LARGE1: variants seen among roughly 807,000 people sequenced by gnomAD.
LARGE1 encodes the protein LARGE xylosyl- and glucuronyltransferase 1.
LARGE1 carries 43 observed loss-of-function variants against 87.6 expected under a neutral mutation model. That is an observed-to-expected ratio of 0.49 (90% CI 0.38 to 0.63). The LOEUF (loss-of-function observed/expected upper bound fraction) is 0.63. Among genes scored for constraint, LARGE1 ranks in the 30% least tolerant of loss-of-function variants. LARGE1 has a pLI of 0.00. For missense variants in LARGE1, 802 were observed against 1,000.2 expected (o/e 0.80, Z 2.67); for synonymous variants, 434 against 394.6 (o/e 1.10, Z -1.18).
chr22:33,678,853 T>C lies in LARGE1; in HGVS notation c.107-28185A>G, dbSNP rs140080216. 1.8e-3 allele frequency among the ~76,000 whole-genome samples: 281 copies of C among 152,290 alleles called. 2 individuals are homozygous for C. Among genetic ancestry groups the C allele is most frequent in the African/African-American group, 6.3e-3 (262 of 41,564 alleles). ...ACACTGTGCTGGGAACCGAAGTACA[T>C]TGCCCATCCACTTTCCCTGATGCGC... On this transcript the variant is annotated intron_variant, in intron 2 of 14. Coordinates refer to ENST00000397394, the MANE Select transcript of LARGE1 (RefSeq NM_133642.5).
intron 12 of LARGE1, among the ~76,000 whole-genome samples, chr22:33,290,193 C>G (rs960431036): frequency 3.9e-5 from 6 of 152,280 alleles, no homozygotes; most frequent in Middle Eastern, 3.4e-3. Context: ...CTCTTTTTAA[C>G]TCCATCCTTT....
the LARGE1 span, among the ~76,000 whole-genome samples, chr22:33,138,951 G>A: frequency 6.6e-6 from 1 of 152,128 alleles, no homozygotes; most frequent in East Asian, 1.9e-4. Flanking sequence ...ATTGAATCAT[G>A]AAGGCAGGTC....
chr22:33,512,798 C>A (rs2148451683), intron 6 of LARGE1, among the ~76,000 whole-genome samples: 1 of 152,270 alleles, frequency 6.6e-6, no homozygotes, highest in East Asian at 1.9e-4. Flanking sequence ...AGTGAAACTC[C>A]ATCTCAAAAA....
chr22:33,682,856 C>G (rs990488562), intron 2 of LARGE1, among the ~76,000 whole-genome samples: 3 of 152,194 alleles, frequency 2.0e-5, no homozygotes, highest in African/African-American at 7.2e-5. Flanking sequence ...TTTACTGAGG[C>G]TCAGGCCCAA....
chr22:33,763,902 T>G (rs1396864890), intron 1 of LARGE1, among the ~76,000 whole-genome samples: 3 of 130,480 alleles, frequency 2.3e-5, no homozygotes, highest in Non-Finnish European at 3.1e-5. Context: ...CAGGCTAGAG[T>G]ATAGTGGTGT....
intron 2 of LARGE1, among the ~76,000 whole-genome samples, chr22:33,745,267 G>A (rs1400652828): frequency 6.6e-6 from 1 of 152,166 alleles, no homozygotes; most frequent in African/African-American, 2.4e-5. Context: ...AGCCATCAGA[G>A]CAGCAAGAGC....
At chr22:33,238,020 G>A (rs1926338286) in intron 11 of LARGE1, among the ~76,000 whole-genome samples, 1 of 152,182 alleles carries the variant, frequency 6.6e-6, no homozygotes, top group South Asian at 2.1e-4. Flanking sequence ...CCAGGATGGG[G>A]ACGAGGAAAG....
chr22:33,728,902 G>T (rs1175469358), intron 2 of LARGE1, among the ~76,000 whole-genome samples: 2 of 152,182 alleles, frequency 1.3e-5, no homozygotes, highest in Non-Finnish European at 2.9e-5. Flanking sequence ...CTTTGCCAAA[G>T]AAATAATATC....
At chr22:33,404,867 T>G (rs2066042392) in intron 7 of LARGE1, among the ~76,000 whole-genome samples, 1 of 152,168 alleles carries the variant, frequency 6.6e-6, no homozygotes, top group Non-Finnish European at 1.5e-5. Context: ...CAAGGAATTT[T>G]GCTTCTGTTC....
the LARGE1 span, among the ~76,000 whole-genome samples, chr22:33,137,733 G>C: frequency 0.42 from 64,115 of 152,026 alleles, 13,969 homozygotes; most frequent in South Asian, 0.68. Context: ...AGTTAATTCA[G>C]CTGTGGCTTC....
chr22:33,825,331 C>G (rs551873896), intron 1 of LARGE1, among the ~76,000 whole-genome samples: 1 of 151,932 alleles, frequency 6.6e-6, no homozygotes, highest in Non-Finnish European at 1.5e-5. Flanking sequence ...AAGACATACC[C>G]GAGACTGGGT....
chr22:33,215,134 T>C (rs1272470942), intron 11 of LARGE1, among the ~76,000 whole-genome samples: 1 of 152,216 alleles, frequency 6.6e-6, no homozygotes, highest in South Asian at 2.1e-4. Context: ...AAATGGTTAA[T>C]TGGCCACACC....
intron 10 of LARGE1, among the ~76,000 whole-genome samples, chr22:33,327,062 GC>G (rs1434115012): frequency 1.3e-5 from 2 of 152,228 alleles, no homozygotes; most frequent in African/African-American, 4.8e-5. Context: ...GCGACATGCG[GC>G]TCGCACGTGA....
chr22:33,571,330 C>T (rs1000537585), intron 5 of LARGE1, among the ~76,000 whole-genome samples: 8 of 152,038 alleles, frequency 5.3e-5, no homozygotes, highest in African/African-American at 9.7e-5. Flanking sequence ...ATCTATGAGG[C>T]GGTGTAAGTG....
At chr22:33,227,056 A>ATATT (rs58154277) in intron 11 of LARGE1, among the ~76,000 whole-genome samples, 3 of 152,134 alleles carry the variant, frequency 2.0e-5, no homozygotes, top group Admixed American at 1.3e-4. Context: ...CTGAGTGACT[A>ATATT]TATTTATTTA....
the LARGE1 span, among the ~76,000 whole-genome samples, chr22:33,089,331 T>TTCC: frequency 1.4e-5 from 1 of 73,554 alleles, no homozygotes; most frequent in Non-Finnish European, 2.4e-5. Context: ...TTTCTTCTTC[T>TTCC]TCTTCTTCTT....
At chr22:33,102,565 C>T in the LARGE1 span, among the ~76,000 whole-genome samples, 1 of 152,034 alleles carries the variant, frequency 6.6e-6, no homozygotes, top group Admixed American at 6.6e-5. Flanking sequence ...TCTCAGCTTA[C>T]CCCAACCTCC....
At chr22:33,865,829 A>ATTT (rs2064079507) in intron 1 of LARGE1, among the ~76,000 whole-genome samples, 3 of 32,982 alleles carry the variant, frequency 9.1e-5, no homozygotes, top group Non-Finnish European at 1.2e-4. Flanking sequence ...GTTAGCTGTT[A>ATTT]TTCTTTTTTT....
At chr22:33,900,039 C>G (rs999881575) in intron 1 of LARGE1, among the ~76,000 whole-genome samples, 11 of 152,168 alleles carry the variant, frequency 7.2e-5, no homozygotes, top group African/African-American at 2.7e-4. Flanking sequence ...TGAAAACATT[C>G]TTAGCCTCTG....
Sources: allele counts gnomAD v4.1 joint callset (sites outside exome capture counted in the v4.1 genomes callset), GRCh38; gene constraint gnomAD v4.1.1; transcripts MANE v1.5; gene names NCBI Gene and HGNC (gene_info 2026-07-23, HGNC 2026-07-21).